Variants in AGXT observed in about 807,000 individuals in gnomAD.
AGXT encodes the protein alanine--glyoxylate aminotransferase.
In AGXT, 41 loss-of-function variants were observed where a neutral mutation model predicts 46.9. The observed-to-expected ratio is 0.88, with a 90% CI of 0.68 to 1.14. The LOEUF is 1.14. AGXT is among the 50% of genes most tolerant of loss of function. The probability of loss-of-function intolerance (pLI) is 0.00; values close to 1 mark genes in which losing one functional copy is unlikely to be tolerated. For synonymous variants in AGXT, 244 were observed against 227.9 expected (o/e 1.07, Z -0.64); for missense variants, 525 against 522.7 (o/e 1.00, Z -0.04).
At position 240,874,865 on chromosome 2, in the gene AGXT, G is replaced by A. The variant is rs181790491; in HGVS notation, c.681-244G>A. On this transcript the variant is annotated intron_variant, in intron 6 of 10. Coordinates refer to ENST00000307503, the MANE Select transcript of AGXT (RefSeq NM_000030.3). The stretch of plus-strand genomic sequence containing the variant: ...GAAAGGGGCACACAGAGTGGAGGGA[G>A]CTGGCCTTGGTGCCCCCATGGCAGG... Among the ~76,000 whole-genome samples the A allele has an allele frequency of 7.0e-3, 1,072 of 152,340 alleles. 17 individuals carry two copies. The highest frequency in any genetic ancestry group is 9.6e-3 in the Non-Finnish European group (655 of 68,018).
intron 7 of AGXT, 97 bp from the exon 8 acceptor site, chr2:240,875,838 G>C (rs1269854172): frequency 9.7e-6 from 13 of 1,335,522 alleles, no homozygotes; most frequent in Non-Finnish European, 1.4e-5. Context: ...TGTGGTCAGA[G>C]AGCCTGTGCT....
chr2:240,875,476 C>T (rs1054090771), intron 7 of AGXT, among the ~76,000 whole-genome samples: 11 of 152,240 alleles, frequency 7.2e-5, no homozygotes, highest in Non-Finnish European at 1.2e-4. Context: ...AGCACACCCT[C>T]GGGCACTTTG....
In AGXT at chr2:240,870,720, G is replaced by A. The variant is rs574091775; in HGVS notation, c.423+12G>A. On this transcript the variant is annotated intron_variant, in intron 3 of 10. Transcript: ENST00000307503. ...AGGAGGTGGAGGAGGTAGGGGACCC[G>A]GGGTGGGGGTCAGGGCCGGGAGGAG... 13 of 1,553,380 alleles carry A rather than the reference G, an allele frequency of 8.4e-6. No homozygotes were observed. In the African/African-American group the frequency reaches 9.5e-5, roughly 11 times the overall value.
intron 8 of AGXT, 34 bp downstream of exon 8, chr2:240,876,038 G>T: frequency 6.2e-7 from 1 of 1,609,502 alleles, no homozygotes. Flanking sequence ...AGGAGACAGG[G>T]CCACTGGCTG....
At chr2:240,877,114 C>G in intron 8 of AGXT, 1 of 362,030 alleles carries the variant, frequency 2.8e-6, no homozygotes. Flanking sequence ...AGAGCTGAGG[C>G]AGGAGCAGTG....
chr2:240,875,834 C>A, intron 7 of AGXT, 101 bp from the exon 8 acceptor site: 1 of 1,313,092 alleles, frequency 7.6e-7, no homozygotes, highest in South Asian at 1.2e-5. Context: ...GGCCTGTGGT[C>A]AGAGAGCCTG....
chr2:240,876,765 C>T (rs1575711676), intron 8 of AGXT: 2 of 160,510 alleles, frequency 1.2e-5, no homozygotes, highest in African/African-American at 2.4e-5. Flanking sequence ...AAATGCCACC[C>T]GCACCCGCGG....
At chr2:240,870,177 G>C (rs2058983943) in intron 2 of AGXT, among the ~76,000 whole-genome samples, 1 of 152,166 alleles carries the variant, frequency 6.6e-6, no homozygotes, top group South Asian at 2.1e-4. Flanking sequence ...GGGGGTGAGG[G>C]CCTGATTCCT....
chr2:240,878,150 G>T lies in AGXT; in HGVS notation c.1071G>T (p.Lys357Asn). The T allele has an allele frequency of 6.2e-7, 1 of 1,612,810 alleles. No homozygotes were observed. The highest frequency in any genetic ancestry group is 8.5e-7 in the Non-Finnish European group (1 of 1,179,918). ...GTGGCCTTGGGCCCTCCACGGGGAA[G>T]GTGAGAGGGAGCGCCTCGAGGGCCT... ...IMGGLGPSTGKVLRIGLLGCN... is the reference protein window; with the variant it reads ...IMGGLGPSTGNVLRIGLLGCN... Residue 357 changes from lysine (K) to asparagine (N), a missense_variant and splice_region_variant, in exon 10 of 11, where the codon AAG becomes AAT. Lys to Asn is a moderately conservative substitution (Grantham distance 94). Coordinates refer to ENST00000307503, the MANE Select transcript of AGXT (RefSeq NM_000030.3).
At chr2:240,871,266 C>A in intron 3 of AGXT, 83 bp from the exon 4 acceptor site, 3 of 1,200,986 alleles carry the variant, frequency 2.5e-6, no homozygotes, top group Non-Finnish European at 3.6e-6. Flanking sequence ...CTACCTGGAG[C>A]TGTGCCACCC....
chr2:240,869,909 C>G (rs2058982178), intron 2 of AGXT, among the ~76,000 whole-genome samples: 1 of 152,168 alleles, frequency 6.6e-6, no homozygotes, highest in Non-Finnish European at 1.5e-5. Flanking sequence ...GGGACATCAG[C>G]TTGGTGAGCT....
intron 5 of AGXT, chr2:240,873,403 G>T: frequency 3.1e-6 from 1 of 324,148 alleles, no homozygotes; most frequent in East Asian, 7.2e-5. Flanking sequence ...CCCCCCAGAG[G>T]CTCAGTTTCA....
At chr2:240,875,685 G>A (rs1372888974) in intron 7 of AGXT, among the ~76,000 whole-genome samples, 1 of 152,248 alleles carries the variant, frequency 6.6e-6, no homozygotes, top group East Asian at 1.9e-4. Context: ...CAGGGAGGTG[G>A]TGGCACGTGT....
intron 2 of AGXT, among the ~76,000 whole-genome samples, chr2:240,870,005 G>A (rs546561561): frequency 7.2e-5 from 11 of 152,292 alleles, no homozygotes; most frequent in African/African-American, 2.6e-4. Flanking sequence ...AGGGGACCCA[G>A]GGTCGGCAGA....
At chr2:240,870,803 G>C (rs540334603) in intron 3 of AGXT, 95 bp downstream of exon 3, 42 of 1,258,194 alleles carry the variant, frequency 3.3e-5, no homozygotes, top group Middle Eastern at 5.0e-4. Flanking sequence ...AGCAGGGTGG[G>C]ATCATGGCCG....
At chr2:240,875,293 C>A in intron 7 of AGXT, 89 bp downstream of exon 7, 3 of 1,147,362 alleles carry the variant, frequency 2.6e-6, no homozygotes, top group Non-Finnish European at 3.9e-6. Context: ...AGGGATTCTC[C>A]AAGCCCCCCA....
intron 8 of AGXT, 83 bp downstream of exon 8, chr2:240,876,087 C>T (rs2059023445): frequency 4.0e-6 from 6 of 1,481,568 alleles, no homozygotes; most frequent in East Asian, 2.4e-5. Context: ...GGAACCATCC[C>T]TGGTGCACAG....
At chr2:240,870,538 T>G in intron 2 of AGXT, 106 bp from the exon 3 acceptor site, 3 of 1,341,294 alleles carry the variant, frequency 2.2e-6, no homozygotes, top group Non-Finnish European at 1.0e-6. Context: ...CCACGGTGGG[T>G]GGGGTCCAGC....
rs555918633 is a variant in AGXT, at chr2:240,871,203, C to G, written c.424-146C>G. 27 of 720,490 alleles carry G rather than the reference C, an allele frequency of 3.7e-5. No individual in the cohort carries two copies. In the Admixed American group the frequency reaches 4.6e-4, roughly 12 times the overall value. The allele number at this position is 720,490 out of a possible 1,614,324, so 44.6% of individuals were successfully genotyped here. A position where few individuals can be genotyped will look rare whatever the true frequency, so the allele number is the denominator to read the frequency against. On this transcript the variant is annotated intron_variant, in intron 3 of 10. Transcript: ENST00000307503. The stretch of plus-strand genomic sequence containing the variant: ...TGTCCCGGAGCGGAGATGCCCCAGC[C>G]TCCTCCTCCCATGCACACCATCAGG...
Sources: allele counts gnomAD v4.1 joint callset (sites outside exome capture counted in the v4.1 genomes callset), GRCh38; gene constraint gnomAD v4.1.1; transcripts MANE v1.5; gene names NCBI Gene and HGNC (gene_info 2026-07-23, HGNC 2026-07-21).